The following PGAP2 variants were observed in gnomAD, a reference collection of about 807,000 sequenced individuals.
PGAP2 encodes post-GPI attachment to proteins 2.
In PGAP2, 21 loss-of-function variants were observed where a neutral mutation model predicts 33.2. The observed-to-expected ratio is 0.63, with a 90% CI of 0.45 to 0.91. PGAP2 has a LOEUF of 0.91. Among genes scored for constraint, PGAP2 ranks in the 40% least tolerant of loss-of-function variants. The pLI is 0.00. For missense variants in PGAP2, 345 were observed against 424.0 expected, an observed-to-expected ratio of 0.81 and a Z score of 1.64; for synonymous variants, 161 against 172.9, an observed-to-expected ratio of 0.93 and a Z score of 0.54.
At chr11:3,800,572 G>C (rs2083288289) in intron 1 of PGAP2, among the ~76,000 whole-genome samples, 1 of 152,082 alleles carries the variant, frequency 6.6e-6, no homozygotes, top group Admixed American at 6.5e-5. Context: ...AGCACTTTGG[G>C]AGGCCGAGGT....
upstream of PGAP2, among the ~76,000 whole-genome samples, chr11:3,807,624 G>T (rs1169977127): frequency 1.3e-5 from 2 of 152,010 alleles, no homozygotes; most frequent in Non-Finnish European, 2.9e-5. Flanking sequence ...GGGTTTTTAT[G>T]AGGATTAAAT....
At position 3,797,910 on chromosome 11, in the gene PGAP2, CCCTT is replaced by C; in HGVS notation, c.72_75del (p.Phe24LeufsTer8). 1 of 1,548,192 alleles carries C rather than the reference CCCTT, an allele frequency of 6.5e-7. No individual in the cohort carries two copies. Among genetic ancestry groups the C allele is most frequent in the Non-Finnish European group, 8.7e-7 (1 of 1,145,356 alleles). On this transcript the variant is annotated frameshift_variant, in exon 1 of 7. Coordinates refer to the PGAP2 transcript ENST00000300730. LOFTEE classifies it high-confidence loss of function. The stretch of plus-strand genomic sequence containing the variant: ...GGTGACGCAACATAGAGACTCCGCC[CCCTT>C]CCTTGGAGCGCCGCGACTCGGGCTG...
intron 3 of PGAP2, chr11:3,823,617 G>A (rs1303329482): frequency 1.3e-6 from 2 of 1,536,478 alleles, no homozygotes; most frequent in East Asian, 4.9e-5. Flanking sequence ...ACACAGGCAG[G>A]TTCCAGTCTG....
chr11:3,814,761 T>C (rs1487863923), intron 2 of PGAP2, among the ~76,000 whole-genome samples: 136 of 76,766 alleles, frequency 1.8e-3, no homozygotes, highest in Non-Finnish European at 3.6e-3. Context: ...TCTTTCTTTC[T>C]TTCTTTCTTT....
chr11:3,801,660 A>AAAAAG (rs56914915), intron 1 of PGAP2, among the ~76,000 whole-genome samples: 21 of 137,750 alleles, frequency 1.5e-4, no homozygotes, highest in Non-Finnish European at 2.7e-4. Flanking sequence ...AAAAAAAAAA[A>AAAAAG]GTTTCCGGGC....
upstream of PGAP2, chr11:3,808,424 C>T (rs2084837412): frequency 2.6e-6 from 4 of 1,543,650 alleles, no homozygotes; most frequent in East Asian, 7.4e-5. Flanking sequence ...GGCTGTAAAG[C>T]ATGGTTTGAG....
chr11:3,808,485 G>C, upstream of PGAP2: 1 of 1,430,302 alleles, frequency 7.0e-7, no homozygotes, highest in Non-Finnish European at 9.2e-7. Context: ...CCAGAAGCGG[G>C]GAGGAGCCAG....
intron 3 of PGAP2, among the ~76,000 whole-genome samples, chr11:3,822,676 C>T (rs1447041334): frequency 6.6e-6 from 1 of 152,168 alleles, no homozygotes; most frequent in African/African-American, 2.4e-5. Context: ...AAATGCAGAT[C>T]CTCAGGTTCC....
chr11:3,798,606 C>G (rs2134057704), intron 1 of PGAP2, among the ~76,000 whole-genome samples: 1 of 150,352 alleles, frequency 6.7e-6, no homozygotes, highest in East Asian at 2.0e-4. Flanking sequence ...GCTGGGATTA[C>G]AGACGTGAGC....
intron 1 of PGAP2, among the ~76,000 whole-genome samples, chr11:3,798,730 G>A (rs1388899253): frequency 2.0e-5 from 3 of 148,644 alleles, no homozygotes; most frequent in East Asian, 2.0e-4. Flanking sequence ...TGCAATCTCC[G>A]CCTCCCAGGT....
At chr11:3,824,502 T>C (rs1361943850) in intron 5 of PGAP2, 126 bp downstream of exon 5, 1 of 1,424,854 alleles carries the variant, frequency 7.0e-7, no homozygotes, top group Non-Finnish European at 9.7e-7. Flanking sequence ...AGAGGGGTGC[T>C]GGGGTTGGGG....
At chr11:3,806,654 G>A (rs1206539500), upstream of PGAP2, among the ~76,000 whole-genome samples, 1 of 152,194 alleles carries the variant, frequency 6.6e-6, no homozygotes, top group African/African-American at 2.4e-5. Context: ...TACCAGACTT[G>A]AGTCCTGGTT....
chr11:3,825,295 C>A, intron 6 of PGAP2, 33 bp from the exon 7 acceptor site: 2 of 1,604,730 alleles, frequency 1.2e-6, no homozygotes, highest in South Asian at 2.2e-5. Context: ...GCTGGAAGTT[C>A]ACCATGTCCT....
At chr11:3,808,509 C>A, upstream of PGAP2, 1 of 1,398,124 alleles carries the variant, frequency 7.2e-7, no homozygotes, top group Non-Finnish European at 9.3e-7. Flanking sequence ...AGGATCTGGG[C>A]GCAGTTTCCT....
At chr11:3,808,356 G>A, upstream of PGAP2, 1 of 1,550,814 alleles carries the variant, frequency 6.4e-7, no homozygotes, top group Non-Finnish European at 8.7e-7. Context: ...CTCAAACTCA[G>A]GTATCCAGAG....
chr11:3,803,965 A>G (rs1405393896), upstream of PGAP2, among the ~76,000 whole-genome samples: 5 of 151,470 alleles, frequency 3.3e-5, no homozygotes, highest in Non-Finnish European at 7.4e-5. Flanking sequence ...TAATTTTTGC[A>G]TTTTTAGTAG....
rs2085597727 is a variant in PGAP2 at position 3,811,632 on chromosome 11, AAT to A, written c.165+212_165+213del. ...CTGGAGGCTGGAGTCACTGAAGTGT[AAT>A]ATAGAGTCAGTAAATGAATTACAAG... is the stretch of plus-strand genomic sequence containing the variant. On this transcript the variant is annotated intron_variant, in intron 2 of 6. Coordinates refer to ENST00000278243, the MANE Select transcript of PGAP2 (RefSeq NM_014489.4). The surrounding 1 kb of genome is among the most constrained non-coding windows in gnomAD (Gnocchi z 4.6). Among the ~76,000 whole-genome samples the A allele has an allele frequency of 6.6e-6, 1 of 152,128 alleles. No individual in the cohort carries two copies. Among genetic ancestry groups the A allele is most frequent in the African/African-American group, 2.4e-5 (1 of 41,408 alleles).
chr11:3,821,764 A>T (rs530325454), intron 3 of PGAP2, among the ~76,000 whole-genome samples: 4 of 151,636 alleles, frequency 2.6e-5, no homozygotes, highest in Admixed American at 2.0e-4. Flanking sequence ...TCTCAAAAAA[A>T]AAAAAATGCA....
chr11:3,820,995 C>T lies in PGAP2; in HGVS notation c.349-2888C>T, dbSNP rs141269251. 3.8e-3 allele frequency among the ~76,000 whole-genome samples: 581 copies of T among 152,322 alleles called. 6 individuals are homozygous for T. The highest frequency in any genetic ancestry group is 0.013 in the African/African-American group (536 of 41,558). ...GACTCAGCTTTGTGCAGTTCCTGAG[C>T]CTCTATGCTGCCCCTTCACATTACT... On this transcript the variant is annotated intron_variant, in intron 3 of 6. Coordinates refer to ENST00000278243, the MANE Select transcript of PGAP2 (RefSeq NM_014489.4).
Sources: allele counts gnomAD v4.1 joint callset (sites outside exome capture counted in the v4.1 genomes callset), GRCh38; gene constraint gnomAD v4.1.1; non-coding constraint Gnocchi (gnomAD v3.1); transcripts MANE v1.5; gene names NCBI Gene and HGNC (gene_info 2026-07-23, HGNC 2026-07-21).